The following SUGCT variants were observed in gnomAD, a reference collection of about 807,000 sequenced individuals.
SUGCT encodes the protein succinyl-CoA:glutarate-CoA transferase, also known as succinyl-CoA:glutarate CoA-transferase.
A neutral mutation model predicts 55.0 loss-of-function variants in SUGCT; 41 were observed. That is an observed-to-expected ratio of 0.74 (90% CI 0.58 to 0.97). SUGCT has a LOEUF of 0.97. SUGCT is among the 50% of genes least tolerant of loss of function. The pLI is 0.00. For synonymous variants in SUGCT, 187 were observed against 200.4 expected, an observed-to-expected ratio of 0.93 and a Z score of 0.56; for missense variants, 568 against 547.8, an observed-to-expected ratio of 1.04 and a Z score of -0.37.
At chr7:40,329,490 C>G (rs1473013862) in intron 9 of SUGCT, among the ~76,000 whole-genome samples, 1 of 152,042 alleles carries the variant, frequency 6.6e-6, no homozygotes, top group East Asian at 1.9e-4. Context: ...ATTAATAATT[C>G]ATTTGGCCTA....
the SUGCT span, among the ~76,000 whole-genome samples, chr7:40,961,700 G>T: frequency 1.3e-5 from 2 of 152,096 alleles, no homozygotes; most frequent in South Asian, 2.1e-4. Context: ...TCTGGAGTTT[G>T]TTCCTTCAGA....
chr7:40,667,297 G>C (rs1460756396), intron 12 of SUGCT, among the ~76,000 whole-genome samples: 1 of 152,056 alleles, frequency 6.6e-6, no homozygotes, highest in Non-Finnish European at 1.5e-5. Context: ...TAGGAATAAA[G>C]CCTACCTGAT....
Position 40,491,572 on chromosome 7 carries a change from G to A in SUGCT, c.987-4712G>A, listed in dbSNP as rs117661197. ...GGGAACTAGGGAAAAAAAGGTCTGGGCTGGTAATATGGATTTGGATGTCAT... is the reference window on the plus strand; with the variant it reads ...GGGAACTAGGGAAAAAAAGGTCTGGACTGGTAATATGGATTTGGATGTCAT... On this transcript the variant is annotated intron_variant, in intron 11 of 13. Coordinates refer to ENST00000335693, the MANE Select transcript of SUGCT (RefSeq NM_001193313.2). 2.6e-5 allele frequency among the ~76,000 whole-genome samples: 4 copies of A among 152,204 alleles called. No homozygotes were observed. In the East Asian group the frequency reaches 7.7e-4, roughly 29 times the overall value.
chr7:40,231,294 T>C (rs1444477349), intron 6 of SUGCT, among the ~76,000 whole-genome samples: 4 of 152,200 alleles, frequency 2.6e-5, no homozygotes, highest in Non-Finnish European at 5.9e-5. Context: ...TTAAACATGC[T>C]TTTGCTAAGT....
At chr7:40,219,832 A>G (rs544404817) in intron 6 of SUGCT, among the ~76,000 whole-genome samples, 1 of 152,354 alleles carries the variant, frequency 6.6e-6, no homozygotes, top group East Asian at 1.9e-4. Context: ...TTGTTAATAA[A>G]AAATCTTTTG....
At chr7:40,605,603 G>A (rs1288839958) in intron 12 of SUGCT, among the ~76,000 whole-genome samples, 3 of 151,978 alleles carry the variant, frequency 2.0e-5, no homozygotes, top group Non-Finnish European at 4.4e-5. Context: ...CAGAAATGGA[G>A]GAGAAAAGAG....
At chr7:40,515,184 A>G (rs1294145926) in intron 12 of SUGCT, among the ~76,000 whole-genome samples, 1 of 152,168 alleles carries the variant, frequency 6.6e-6, no homozygotes, top group East Asian at 1.9e-4. Flanking sequence ...CTACCCCTTG[A>G]GAGCCACACC....
chr7:40,896,928 T>C, the SUGCT span, among the ~76,000 whole-genome samples: 352 of 152,300 alleles, frequency 2.3e-3, 1 homozygote, highest in African/African-American at 7.9e-3. Flanking sequence ...AGAACAAAGC[T>C]GGAGGTATCA....
rs141053779 is a variant in SUGCT, at chr7:40,730,217, C to T, written c.1090-19217C>T. Among the ~76,000 whole-genome samples, 1,118 of 152,292 alleles carry T rather than the reference C, an allele frequency of 7.3e-3. 8 individuals are homozygous for T. The highest frequency in any genetic ancestry group is 9.8e-3 in the Non-Finnish European group (670 of 68,032). On this transcript the variant is annotated intron_variant, in intron 12 of 13. Transcript: ENST00000335693. Reference sequence around the variant, plus strand: ...CCGCCTCTCAGGTTCAAGTGATCCTCCTGCCTCAGCCTCCTGAGTACCTGA... The same window carrying T: ...CCGCCTCTCAGGTTCAAGTGATCCTTCTGCCTCAGCCTCCTGAGTACCTGA...
At chr7:40,845,401 C>T (rs142119006) in intron 13 of SUGCT, among the ~76,000 whole-genome samples, 9 of 152,242 alleles carry the variant, frequency 5.9e-5, no homozygotes, top group East Asian at 3.9e-4. Flanking sequence ...TCAGGTCCAG[C>T]GGAGAGTAAG....
intron 13 of SUGCT, among the ~76,000 whole-genome samples, chr7:40,798,103 GA>G (rs1790635213): frequency 6.6e-6 from 1 of 152,118 alleles, no homozygotes; most frequent in Non-Finnish European, 1.5e-5. Context: ...GCCACACACA[GA>G]TTCTCCAACC....
intron 12 of SUGCT, among the ~76,000 whole-genome samples, chr7:40,564,036 T>G (rs1484192796): frequency 6.6e-6 from 1 of 152,188 alleles, no homozygotes; most frequent in Non-Finnish European, 1.5e-5. Context: ...AAACGTTTCT[T>G]ATCTTTGGGT....
chr7:40,351,407 T>C (rs1797624555), intron 9 of SUGCT, among the ~76,000 whole-genome samples: 1 of 152,016 alleles, frequency 6.6e-6, no homozygotes, highest in Non-Finnish European at 1.5e-5. Flanking sequence ...TATTTTTATT[T>C]TTTCTCTTTT....
intron 12 of SUGCT, among the ~76,000 whole-genome samples, chr7:40,618,907 A>G (rs1391127679): frequency 1.3e-5 from 2 of 152,216 alleles, no homozygotes; most frequent in African/African-American, 4.8e-5. Flanking sequence ...TTAGGAAACA[A>G]TTATAAGTCT....
intron 9 of SUGCT, among the ~76,000 whole-genome samples, chr7:40,414,621 T>C (rs900259295): frequency 6.6e-6 from 1 of 152,044 alleles, no homozygotes; most frequent in Non-Finnish European, 1.5e-5. Context: ...AATTCGGCCA[T>C]GTTGGCTGGG....
intron 5 of SUGCT, among the ~76,000 whole-genome samples, chr7:40,190,265 T>G (rs1346534569): frequency 6.6e-6 from 1 of 152,202 alleles, no homozygotes; most frequent in African/African-American, 2.4e-5. Context: ...TTCTTTCTTT[T>G]TTTAGAAACA....
chr7:40,473,368 G>T (rs1227999152), intron 11 of SUGCT, among the ~76,000 whole-genome samples: 1 of 152,092 alleles, frequency 6.6e-6, no homozygotes, highest in Non-Finnish European at 1.5e-5. Context: ...TATCCCAATA[G>T]CAATAGTAGT....
chr7:40,840,889 G>A (rs1193127608), intron 13 of SUGCT, among the ~76,000 whole-genome samples: 1 of 144,998 alleles, frequency 6.9e-6, no homozygotes, highest in Non-Finnish European at 1.5e-5. Context: ...ACACAGACAT[G>A]TATTTGGGTG....
intron 13 of SUGCT, among the ~76,000 whole-genome samples, chr7:40,787,713 C>A: frequency 6.9e-6 from 1 of 145,002 alleles, no homozygotes; most frequent in African/African-American, 2.5e-5. Context: ...TCTCTCTAGC[C>A]AAAGAACCAG....
Sources: allele counts gnomAD v4.1 joint callset (sites outside exome capture counted in the v4.1 genomes callset), GRCh38; gene constraint gnomAD v4.1.1; transcripts MANE v1.5; gene names NCBI Gene and HGNC (gene_info 2026-07-23, HGNC 2026-07-21).